The following STK33 variants were observed in gnomAD, a reference collection of about 807,000 sequenced individuals.
The protein encoded by STK33 is serine/threonine kinase 33.
In STK33, 52 loss-of-function variants were observed where a neutral mutation model predicts 58.0. The ratio of observed to expected loss-of-function variants is 0.90; its 90% CI spans 0.72 to 1.13. The LOEUF (loss-of-function observed/expected upper bound fraction) is 1.13, where lower values mean the gene tolerates loss of function less well. Ranked by LOEUF, STK33 falls within the 50% of genes most tolerant of loss-of-function variation. The probability of loss-of-function intolerance (pLI) is 0.00; values close to 1 mark genes in which losing one functional copy is unlikely to be tolerated. For missense variants in STK33, 630 were observed against 604.2 expected, an observed-to-expected ratio of 1.04 and a Z score of -0.45; for synonymous variants, 215 against 200.1, an observed-to-expected ratio of 1.07 and a Z score of -0.63.
At chr11:8,430,011 G>C (rs920508284) in intron 14 of STK33, among the ~76,000 whole-genome samples, 1 of 152,158 alleles carries the variant, frequency 6.6e-6, no homozygotes, top group Admixed American at 6.5e-5. Flanking sequence ...AACGCTCCAA[G>C]GGTGAGAGGG....
chr11:8,431,043 T>C (rs1012460061), intron 14 of STK33, among the ~76,000 whole-genome samples: 5 of 151,866 alleles, frequency 3.3e-5, no homozygotes, highest in Non-Finnish European at 7.4e-5. Context: ...ATTTTTGTAT[T>C]TTTAGTAGAG....
At chr11:8,375,708 A>G in the STK33 span, among the ~76,000 whole-genome samples, 1 of 151,774 alleles carries the variant, frequency 6.6e-6, no homozygotes, top group Non-Finnish European at 1.5e-5. Flanking sequence ...TTCTTACGAG[A>G]TCTGATGGTT....
At chr11:8,487,047 C>T (rs1425482883) in intron 1 of STK33, among the ~76,000 whole-genome samples, 1 of 152,148 alleles carries the variant, frequency 6.6e-6, no homozygotes, top group Non-Finnish European at 1.5e-5. Flanking sequence ...GTCTTAATTA[C>T]ACCAAAATGG....
intron 15 of STK33, among the ~76,000 whole-genome samples, chr11:8,398,921 C>T (rs1849869033): frequency 6.6e-6 from 1 of 152,176 alleles, no homozygotes; most frequent in Admixed American, 6.5e-5. Context: ...AGCTAACTGT[C>T]CTAAATATAT....
chr11:8,405,720 T>G (rs73402080), intron 15 of STK33, among the ~76,000 whole-genome samples: 30,134 of 152,194 alleles, frequency 0.2, 3,418 homozygotes, highest in African/African-American at 0.3. Context: ...TCAAACTAAT[T>G]TTTGTGTACA....
At chr11:8,474,150 G>C (rs10743072) in intron 5 of STK33, among the ~76,000 whole-genome samples, 112 of 151,470 alleles carry the variant, frequency 7.4e-4, no homozygotes, top group African/African-American at 2.6e-3. Context: ...ACTCCAGCCA[G>C]GGCAACAAGA....
At chr11:8,495,987 T>C (rs1032832204) in intron 1 of STK33, among the ~76,000 whole-genome samples, 6 of 151,908 alleles carry the variant, frequency 3.9e-5, no homozygotes, top group Non-Finnish European at 7.4e-5. Context: ...TTAGGAGAAA[T>C]ACCTAATGTA....
intron 1 of STK33, among the ~76,000 whole-genome samples, chr11:8,529,384 G>T (rs1954328330): frequency 6.6e-6 from 1 of 152,144 alleles, no homozygotes; most frequent in East Asian, 1.9e-4. Flanking sequence ...TCTCTGCTAA[G>T]TCAAAAGATA....
intron 11 of STK33, among the ~76,000 whole-genome samples, chr11:8,443,746 C>T (rs1285420969): frequency 6.6e-6 from 1 of 152,130 alleles, no homozygotes; most frequent in Admixed American, 6.6e-5. Context: ...TACCTATAAT[C>T]CCAGCACTTT....
intron 1 of STK33, among the ~76,000 whole-genome samples, chr11:8,511,001 G>A (rs1008397297): frequency 6.6e-6 from 1 of 152,022 alleles, no homozygotes; most frequent in African/African-American, 2.4e-5. Context: ...ATGAATTTTG[G>A]TATTGTTTTT....
chr11:8,509,044 A>T (rs1252968431), intron 1 of STK33, among the ~76,000 whole-genome samples: 1 of 139,050 alleles, frequency 7.2e-6, no homozygotes, highest in Admixed American at 8.0e-5. Context: ...TGAGCCCAGG[A>T]GGCGGAGGTT....
chr11:8,409,487 G>C (rs539847421), intron 15 of STK33, among the ~76,000 whole-genome samples: 1 of 152,148 alleles, frequency 6.6e-6, no homozygotes, highest in Non-Finnish European at 1.5e-5. Context: ...AGTTCTACCA[G>C]GGAGAACTGC....
chr11:8,492,431 A>T (rs954619041), intron 1 of STK33, among the ~76,000 whole-genome samples: 1 of 152,218 alleles, frequency 6.6e-6, no homozygotes, highest in Non-Finnish European at 1.5e-5. Flanking sequence ...ATACCAGAGC[A>T]CCCAGATTCA....
At chr11:8,467,897 A>T (rs1255531052) in intron 6 of STK33, among the ~76,000 whole-genome samples, 3 of 152,044 alleles carry the variant, frequency 2.0e-5, no homozygotes, top group Non-Finnish European at 4.4e-5. Context: ...GCGAGCTGAG[A>T]TCGCACCACT....
At position 8,570,220 on chromosome 11, in the gene STK33, T is replaced by C. The variant is rs1223029450; in HGVS notation, c.-466+23863A>G. On this transcript the variant is annotated intron_variant, in intron 1 of 15. Coordinates refer to ENST00000687296, the MANE Select transcript of STK33 (RefSeq NM_001352389.2). The stretch of plus-strand genomic sequence containing the variant: ...AGTTAAAACCACAATGAGACATCCC[T>C]ACACATCGTCCAGAAAGATTAAAGT... Among the ~76,000 whole-genome samples the C allele has an allele frequency of 2.0e-5, 3 of 152,200 alleles. No homozygotes were observed. The East Asian group carries it at 5.8e-4, about 29-fold the overall frequency.
At chr11:8,434,199 G>A (rs1310232003) in intron 14 of STK33, 1 of 165,818 alleles carries the variant, frequency 6.0e-6, no homozygotes. Context: ...AGTGAGCCGA[G>A]ATTGTGTCAC....
intron 15 of STK33, among the ~76,000 whole-genome samples, chr11:8,404,055 T>C (rs1184326520): frequency 6.6e-6 from 1 of 152,200 alleles, no homozygotes; most frequent in Admixed American, 6.5e-5. Context: ...AATTCTGATA[T>C]AAGTTTAATG....
At chr11:8,406,881 T>C (rs1422045108) in intron 15 of STK33, among the ~76,000 whole-genome samples, 1 of 152,074 alleles carries the variant, frequency 6.6e-6, no homozygotes, top group Non-Finnish European at 1.5e-5. Context: ...ATAAAGAGAA[T>C]TAGTGAGAGA....
intron 14 of STK33, among the ~76,000 whole-genome samples, chr11:8,418,754 T>C (rs1422075783): frequency 6.6e-6 from 1 of 152,014 alleles, no homozygotes; most frequent in Non-Finnish European, 1.5e-5. Context: ...CACCAGCATT[T>C]GTTATTTTTT....
Sources: allele counts gnomAD v4.1 joint callset (sites outside exome capture counted in the v4.1 genomes callset), GRCh38; gene constraint gnomAD v4.1.1; transcripts MANE v1.5; gene names NCBI Gene and HGNC (gene_info 2026-07-23, HGNC 2026-07-21).